The following MAD1L1 variants were observed in gnomAD, a reference collection of about 807,000 sequenced individuals.
MAD1L1 encodes the protein mitotic spindle assembly checkpoint protein MAD1.
MAD1L1 carries 95 observed loss-of-function variants against 96.9 expected under a neutral mutation model. The observed-to-expected ratio is 0.98, with a 90% CI of 0.83 to 1.16. MAD1L1 has a LOEUF of 1.16. Ranked by LOEUF, MAD1L1 falls within the 50% of genes most tolerant of loss-of-function variation. The probability of loss-of-function intolerance (pLI) is 0.00; values close to 1 mark genes in which losing one functional copy is unlikely to be tolerated. For synonymous variants in MAD1L1, 473 were observed against 396.6 expected (o/e 1.19, Z -2.29); for missense variants, 1,007 against 954.4 (o/e 1.06, Z -0.73).
intron 12 of MAD1L1, among the ~76,000 whole-genome samples, chr7:2,034,509 G>A (rs1360631948): frequency 2.0e-5 from 3 of 152,186 alleles, no homozygotes; most frequent in African/African-American, 7.2e-5. Flanking sequence ...AGCCACCGCA[G>A]CCGGCCAAGA....
At chr7:2,129,598 C>A (rs563474142) in intron 11 of MAD1L1, among the ~76,000 whole-genome samples, 3 of 152,378 alleles carry the variant, frequency 2.0e-5, no homozygotes, top group South Asian at 4.1e-4. Context: ...AGCACACACA[C>A]GATCCCATCC....
intron 10 of MAD1L1, among the ~76,000 whole-genome samples, chr7:2,186,973 A>G (rs1791491117): frequency 6.6e-6 from 1 of 151,724 alleles, no homozygotes; most frequent in Admixed American, 6.6e-5. Context: ...TTTTATTTTT[A>G]GTAGAGACGA....
At chr7:2,137,798 C>T (rs995642484) in intron 11 of MAD1L1, among the ~76,000 whole-genome samples, 2 of 152,232 alleles carry the variant, frequency 1.3e-5, no homozygotes, top group African/African-American at 2.4e-5. Flanking sequence ...AGTTTCTGAA[C>T]TGTGCTCCTC....
chr7:2,085,913 G>A (rs981679748), intron 11 of MAD1L1, among the ~76,000 whole-genome samples: 1 of 152,178 alleles, frequency 6.6e-6, no homozygotes, highest in Non-Finnish European at 1.5e-5. Flanking sequence ...CAGCTTCACA[G>A]GACCACCAGG....
intron 11 of MAD1L1, among the ~76,000 whole-genome samples, chr7:2,073,991 CTG>C (rs1255927263): frequency 6.6e-6 from 1 of 152,196 alleles, no homozygotes; most frequent in African/African-American, 2.4e-5. Flanking sequence ...CAGAACTAGA[CTG>C]TAAAAATCCA....
chr7:1,944,472 T>TGTCA (rs1779140209), intron 16 of MAD1L1, among the ~76,000 whole-genome samples: 2 of 152,134 alleles, frequency 1.3e-5, no homozygotes, highest in Non-Finnish European at 2.9e-5. Context: ...GAAACCAGCC[T>TGTCA]CTTCCTTTGC....
At chr7:2,167,022 G>A (rs545266134) in intron 10 of MAD1L1, among the ~76,000 whole-genome samples, 15 of 152,312 alleles carry the variant, frequency 9.8e-5, no homozygotes, top group Middle Eastern at 3.4e-3. Context: ...TAGCTCACGG[G>A]GCTAGAACCC....
intron 11 of MAD1L1, among the ~76,000 whole-genome samples, chr7:2,136,407 C>T (rs1205766769): frequency 3.3e-5 from 5 of 152,062 alleles, no homozygotes; most frequent in African/African-American, 2.4e-5. Context: ...AGGATCAGTG[C>T]CAGGGCAGGG....
intron 13 of MAD1L1, among the ~76,000 whole-genome samples, chr7:2,013,394 G>A (rs1352162102): frequency 6.6e-6 from 1 of 152,214 alleles, no homozygotes; most frequent in Non-Finnish European, 1.5e-5. Context: ...CACAGAGCTC[G>A]GCTGTTCAGC....
intron 10 of MAD1L1, chr7:2,200,304 C>T (rs571311470): frequency 3.7e-4 from 57 of 152,516 alleles, no homozygotes; most frequent in Non-Finnish European, 7.3e-4. Context: ...CCTCAGGACT[C>T]CCCACCAGAC....
intron 11 of MAD1L1, among the ~76,000 whole-genome samples, chr7:2,073,068 C>CACAT (rs1785212979): frequency 1.3e-5 from 2 of 152,180 alleles, no homozygotes; most frequent in Non-Finnish European, 2.9e-5. Context: ...TGAGCTGCTT[C>CACAT]CCTCAGGCCC....
intron 12 of MAD1L1, among the ~76,000 whole-genome samples, chr7:2,042,889 G>GTCCACA (rs1783751541): frequency 5.8e-5 from 1 of 17,370 alleles, no homozygotes; most frequent in Non-Finnish European, 9.8e-5. Flanking sequence ...ACATGTCCAC[G>GTCCACA]TCCACGTCCA....
At chr7:1,858,947 T>A (rs1300721948) in intron 18 of MAD1L1, among the ~76,000 whole-genome samples, 2 of 152,170 alleles carry the variant, frequency 1.3e-5, no homozygotes, top group Admixed American at 6.5e-5. Flanking sequence ...CACCACGCCT[T>A]TCCACTGAGG....
chr7:2,186,273 T>A (rs1468619916), intron 10 of MAD1L1, among the ~76,000 whole-genome samples: 1 of 152,226 alleles, frequency 6.6e-6, no homozygotes, highest in African/African-American at 2.4e-5. Flanking sequence ...TAAATCTGTG[T>A]GTTAATAGCA....
At chr7:2,099,021 T>C (rs1786642774) in intron 11 of MAD1L1, among the ~76,000 whole-genome samples, 1 of 152,208 alleles carries the variant, frequency 6.6e-6, no homozygotes, top group Admixed American at 6.5e-5. Context: ...CACCCTGGCA[T>C]GGACACGGAG....
intron 10 of MAD1L1, among the ~76,000 whole-genome samples, chr7:2,179,997 G>C (rs1474894227): frequency 1.3e-5 from 2 of 151,374 alleles, no homozygotes; most frequent in African/African-American, 4.9e-5. Context: ...AGAAAAGAAA[G>C]AAAGTCCTGT....
chr7:2,133,948 TAA>T (rs951868427), intron 11 of MAD1L1, among the ~76,000 whole-genome samples: 1 of 152,248 alleles, frequency 6.6e-6, no homozygotes, highest in African/African-American at 2.4e-5. Context: ...GGTTTTACGC[TAA>T]GTCTTGAGGT....
At chr7:1,821,093 A>AAG (rs1491389708) in intron 18 of MAD1L1, among the ~76,000 whole-genome samples, 14 of 27,836 alleles carry the variant, frequency 5.0e-4, no homozygotes, top group South Asian at 1.5e-3. Context: ...AAAAAAAAAA[A>AAG]GGGGGGGGGG....
At chr7:1,869,254 C>T (rs970238610) in intron 18 of MAD1L1, among the ~76,000 whole-genome samples, 4 of 152,144 alleles carry the variant, frequency 2.6e-5, no homozygotes, top group East Asian at 3.9e-4. Flanking sequence ...AGTCAGCCCA[C>T]GTGGAGAGCA....
Sources: allele counts gnomAD v4.1 joint callset (sites outside exome capture counted in the v4.1 genomes callset), GRCh38; gene constraint gnomAD v4.1.1; transcripts MANE v1.5; gene names NCBI Gene and HGNC (gene_info 2026-07-23, HGNC 2026-07-21).